Variants in IRAG1 observed in about 807,000 individuals in gnomAD.
The protein encoded by IRAG1 is IP3R-associated cGMP kinase substrate.
In IRAG1, 62 loss-of-function variants were observed where a neutral mutation model predicts 106.2. That is an observed-to-expected ratio of 0.58 (90% confidence interval 0.48 to 0.72). The LOEUF (loss-of-function observed/expected upper bound fraction) is 0.72. Ranked by LOEUF, IRAG1 falls within the 30% of genes least tolerant of loss-of-function variation. IRAG1 has a pLI of 0.00. For synonymous variants in IRAG1, 462 were observed against 443.9 expected, an observed-to-expected ratio of 1.04 and a Z score of -0.51; for missense variants, 1,064 against 1,140.7, an observed-to-expected ratio of 0.93 and a Z score of 0.97.
At position 10,659,015 on chromosome 11, in the gene IRAG1, T is replaced by G. The variant is rs1458169477; in HGVS notation, c.68-6833A>C. Among the ~76,000 whole-genome samples the G allele has an allele frequency of 6.6e-6, 1 of 151,552 alleles. No homozygotes were observed. Among genetic ancestry groups the G allele is most frequent in the African/African-American group, 2.4e-5 (1 of 41,228 alleles). On this transcript the variant is annotated intron_variant, in intron 1 of 20. Transcript: ENST00000423302. This position sits in a 1 kb window ranked among gnomAD's most constrained non-coding sequence, Gnocchi z 4.1. Reference sequence around the variant, plus strand: ...TCTGTGCTGTGCTCAGTCCCAGGTCTGTGCTGTGCTTGCCCCAGATCTGTG... The same window carrying G: ...TCTGTGCTGTGCTCAGTCCCAGGTCGGTGCTGTGCTTGCCCCAGATCTGTG...
rs1027497387 is a variant in IRAG1, at chr11:10,575,530, G to A, written c.*802C>T. 2.6e-5 allele frequency: 4 copies of A among 152,202 alleles called. No homozygotes were observed. The highest frequency in any genetic ancestry group is 1.3e-4 in the Admixed American group (2 of 15,282). The allele number at this position is 152,202 out of a possible 1,614,324, so 9.4% of individuals were successfully genotyped here. A position where few individuals can be genotyped will look rare whatever the true frequency, so the allele number is the denominator to read the frequency against. ...ACAGCTCATTGAACAGGTGCCTGGTGACTGCCCCACACTGGTGAAAATCTG... is the reference window on the plus strand; with the variant it reads ...ACAGCTCATTGAACAGGTGCCTGGTAACTGCCCCACACTGGTGAAAATCTG... On this transcript the variant is annotated 3_prime_UTR_variant, in exon 21 of 21. Transcript: ENST00000423302.
chr11:10,651,665 C>A (rs540346993), intron 2 of IRAG1, among the ~76,000 whole-genome samples: 8 of 152,118 alleles, frequency 5.3e-5, no homozygotes, highest in Non-Finnish European at 1.2e-4. Context: ...CTTTAAGTGG[C>A]CTTTTCTCGT....
At chr11:10,587,625 C>T (rs1852160230) in intron 18 of IRAG1, among the ~76,000 whole-genome samples, 1 of 152,120 alleles carries the variant, frequency 6.6e-6, no homozygotes, top group South Asian at 2.1e-4. Context: ...GTTAAAATTG[C>T]TCTGTGATAC....
At chr11:10,614,978 T>C (rs1265281738) in intron 10 of IRAG1, among the ~76,000 whole-genome samples, 2 of 152,128 alleles carry the variant, frequency 1.3e-5, no homozygotes, top group African/African-American at 4.8e-5. Flanking sequence ...CAAAAGAAAC[T>C]ACCATCAGAG....
At chr11:10,604,619 T>C (rs890836920) in intron 12 of IRAG1, 74 bp from the exon 13 acceptor site, 1 of 1,569,242 alleles carries the variant, frequency 6.4e-7, no homozygotes, top group African/African-American at 1.4e-5. Context: ...CTGTGCTCCT[T>C]GCACGAGCGT....
intron 10 of IRAG1, among the ~76,000 whole-genome samples, chr11:10,617,797 G>C (rs1855542855): frequency 6.6e-6 from 1 of 152,152 alleles, no homozygotes; most frequent in Non-Finnish European, 1.5e-5. Flanking sequence ...GTCCTGACAA[G>C]CTGATCTCCA....
intron 9 of IRAG1, among the ~76,000 whole-genome samples, chr11:10,624,609 T>TC (rs1426541420): frequency 6.8e-6 from 1 of 146,668 alleles, no homozygotes; most frequent in East Asian, 1.9e-4. Flanking sequence ...GAATGGTTTG[T>TC]CCCCCGAGAA....
intron 1 of IRAG1, among the ~76,000 whole-genome samples, chr11:10,689,005 G>A (rs1219883000): frequency 6.6e-6 from 1 of 152,208 alleles, no homozygotes; most frequent in Admixed American, 6.5e-5. Context: ...TGCAGGTAAA[G>A]CATTAGGACA....
At chr11:10,604,331 A>T in intron 13 of IRAG1, 74 bp downstream of exon 13, 1 of 1,576,592 alleles carries the variant, frequency 6.3e-7, no homozygotes, top group Non-Finnish European at 8.7e-7. Context: ...TACCTGAGAG[A>T]AGCATGACAC....
chr11:10,609,660 T>C (rs924579028), intron 11 of IRAG1, 68 bp downstream of exon 11: 38 of 1,551,758 alleles, frequency 2.4e-5, no homozygotes, highest in Non-Finnish European at 2.1e-5. Flanking sequence ...TTCCTCTGTG[T>C]CCCACCTAGA....
chr11:10,644,168 G>C (rs1460381012), intron 2 of IRAG1, among the ~76,000 whole-genome samples: 1 of 152,216 alleles, frequency 6.6e-6, no homozygotes, highest in Non-Finnish European at 1.5e-5. Flanking sequence ...AACCTGGCAG[G>C]ATGACATCAG....
chr11:10,612,168 T>G (rs1023360020), intron 10 of IRAG1, among the ~76,000 whole-genome samples: 4 of 152,218 alleles, frequency 2.6e-5, no homozygotes, highest in African/African-American at 9.6e-5. Flanking sequence ...TTGCCGTTTT[T>G]TCCTTCCTTT....
rs1482104685 is a variant in IRAG1 at position 10,606,727 on chromosome 11, A to G, written c.1602+15T>C. The G allele has an allele frequency of 6.3e-7, 1 of 1,592,864 alleles. No homozygotes were observed. Among genetic ancestry groups the G allele is most frequent in the Non-Finnish European group, 8.6e-7 (1 of 1,168,884 alleles). Reference sequence around the variant, plus strand: ...GCACGGGCACTAAATTTCATAACACACTTGAGTCACTTACCTCAACTTCCT... The same window carrying G: ...GCACGGGCACTAAATTTCATAACACGCTTGAGTCACTTACCTCAACTTCCT... On this transcript the variant is annotated intron_variant, in intron 12 of 20. Transcript: ENST00000423302.
rs1461267923 is a variant in IRAG1, at chr11:10,580,544, C to T, written c.2406G>A (p.Lys802=). 6.2e-7 allele frequency: 1 copy of T among 1,613,816 alleles called. No homozygotes were observed. Among genetic ancestry groups the T allele is most frequent in the Non-Finnish European group, 8.5e-7 (1 of 1,179,868 alleles). ...LKKTKELQDL[K]EEEEEQKSES... is the part of the protein sequence containing the mutation. ...CACTCTTCTGTTCTTCCTCCTCCTC[C>T]TTCAGGTCTTGAAGTTCTTTGGTCT... Residue 802 remains lysine (K), a synonymous_variant, in exon 20 of 21, where the codon AAG becomes AAA. Coordinates refer to ENST00000423302, the MANE Select transcript of IRAG1 (RefSeq NM_130385.4).
chr11:10,578,422 G>C lies in IRAG1; in HGVS notation c.2496-1847C>G, dbSNP rs112421356. ...GGTTTACCCAAAGTTTATTTAAACT[G>C]ATCCTCAAGAGAGCAATATTTGTAA... On this transcript the variant is annotated intron_variant, in intron 20 of 20. Coordinates refer to ENST00000423302, the MANE Select transcript of IRAG1 (RefSeq NM_130385.4). 3.5e-3 allele frequency among the ~76,000 whole-genome samples: 535 copies of C among 152,318 alleles called. 2 individuals are homozygous for C. The highest frequency in any genetic ancestry group is 4.8e-3 in the African/African-American group (198 of 41,566).
intron 10 of IRAG1, among the ~76,000 whole-genome samples, chr11:10,622,632 G>A (rs140959273): frequency 0.013 from 1,970 of 152,138 alleles, 36 homozygotes; most frequent in African/African-American, 0.046. Context: ...AGCCTCCCGG[G>A]TAGCTGGGAC....
In IRAG1 at chr11:10,626,353, C is replaced by G; in HGVS notation, c.981G>C (p.Glu327Asp). 1 of 1,613,786 alleles carries G rather than the reference C, an allele frequency of 6.2e-7. No individual in the cohort carries two copies. The change falls in exon 9 of 21, where the codon GAG becomes GAC. Residue 327 changes from glutamate to aspartate, a missense_variant. Physicochemically the swap from Glu to Asp is conservative, Grantham distance 45. Transcript: ENST00000423302. ...TCAAGAGCTGCTTCCCCAGCTCGCT[C>G]TCCACGGGGCCAGGCTGAGGGCTGT... ...ALNSPQPGPV[E>D]SELGKQLLKT... is the part of the protein sequence containing the mutation.
chr11:10,638,697 T>C lies in IRAG1; in HGVS notation c.226-4626A>G, dbSNP rs147153457. On this transcript the variant is annotated intron_variant, in intron 2 of 20. Transcript: ENST00000423302. ...CATTTTTTACATGCATTCTATCATA[T>C]GGTTTCCACCACCCCTTGTGGTGGG... Among the ~76,000 whole-genome samples the C allele has an allele frequency of 5.9e-4, 90 of 152,314 alleles. 1 individual carries two copies. The highest frequency in any genetic ancestry group is 2.1e-3 in the African/African-American group (86 of 41,558).
At chr11:10,583,969 A>T (rs1851662664) in intron 18 of IRAG1, among the ~76,000 whole-genome samples, 2 of 152,160 alleles carry the variant, frequency 1.3e-5, no homozygotes, top group African/African-American at 4.8e-5. Context: ...AAAGAGTTAT[A>T]TGAGAAAGAA....
Sources: gnomAD v4.1 joint callset for allele counts (sites outside exome capture counted in the v4.1 genomes callset) on GRCh38, gnomAD v4.1.1 for gene constraint, Gnocchi (gnomAD v3.1) non-coding constraint, MANE v1.5 for transcripts, NCBI Gene and HGNC (gene_info 2026-07-23, HGNC 2026-07-21) for gene names.